CARS2: variants seen among roughly 807,000 people sequenced by gnomAD.
CARS2 encodes the protein cysteinyl-tRNA synthetase 2, mitochondrial.
CARS2 carries 52 observed loss-of-function variants against 68.8 expected under a neutral mutation model. The ratio of observed to expected loss-of-function variants is 0.76; its 90% confidence interval spans 0.61 to 0.95. CARS2 has a LOEUF of 0.95. Among genes scored for constraint, CARS2 ranks in the 40% least tolerant of loss-of-function variants. The probability of loss-of-function intolerance (pLI) is 0.00; values close to 1 mark genes in which losing one functional copy is unlikely to be tolerated. For missense variants in CARS2, 780 were observed against 754.2 expected (o/e 1.03, Z -0.40); for synonymous variants, 314 against 303.6 (o/e 1.03, Z -0.36).
chr13:110,663,271 G>T (rs1371064412), intron 9 of CARS2, among the ~76,000 whole-genome samples, 180 bp downstream of exon 9: 3 of 152,082 alleles, frequency 2.0e-5, no homozygotes, highest in African/African-American at 7.2e-5. Flanking sequence ...GCACAGCTGA[G>T]GGCGCGATTA....
At position 110,706,065 on chromosome 13, in the gene CARS2, A is replaced by G. The variant is rs1326381296; in HGVS notation, c.29T>C (p.Leu10Pro). The G allele has an allele frequency of 7.5e-7, 1 of 1,330,570 alleles. No homozygotes were observed. The highest frequency in any genetic ancestry group is 9.6e-7 in the Non-Finnish European group (1 of 1,040,034). 82.4% of individuals were successfully genotyped at this position (1,330,570 alleles called of 1,614,324 possible). MLRTTRGPG[L>P]GPPLLQAALG... Reference sequence around the variant, plus strand: ...CGCGGCCTGGAGCAGCGGGGGGCCCAGGCCTGGGCCGCGCGTAGTCCTCAA... The same window carrying G: ...CGCGGCCTGGAGCAGCGGGGGGCCCGGGCCTGGGCCGCGCGTAGTCCTCAA... The change falls in exon 1 of 15, where the codon CTG becomes CCG. Residue 10 changes from leucine (L) to proline (P), a missense_variant. By Grantham distance (98) the Leu-to-Pro change is moderately conservative. Coordinates refer to ENST00000257347, the MANE Select transcript of CARS2 (RefSeq NM_024537.4).
chr13:110,702,573 A>G (rs1235446829), intron 2 of CARS2, among the ~76,000 whole-genome samples: 1 of 152,230 alleles, frequency 6.6e-6, no homozygotes. Context: ...CAGGAACCTA[A>G]AGCAAATGAA....
chr13:110,669,231 G>A (rs986562186), intron 7 of CARS2, among the ~76,000 whole-genome samples: 1 of 152,168 alleles, frequency 6.6e-6, no homozygotes, highest in Non-Finnish European at 1.5e-5. Context: ...TAGGCAGGTC[G>A]TGGGGGACAA....
chr13:110,663,306 G>T, intron 9 of CARS2, 145 bp downstream of exon 9: 1 of 754,398 alleles, frequency 1.3e-6, no homozygotes, highest in Non-Finnish European at 2.1e-6. Flanking sequence ...TAAAGTGGGA[G>T]GGAGGTGAGG....
upstream of CARS2, among the ~76,000 whole-genome samples, chr13:110,708,094 A>G (rs991814209): frequency 6.6e-6 from 1 of 152,178 alleles, no homozygotes; most frequent in African/African-American, 2.4e-5. Context: ...CTTAAATTGT[A>G]CATTATTTTG....
At chr13:110,663,729 C>G in intron 8 of CARS2, 1 of 1,310,456 alleles carries the variant, frequency 7.6e-7, no homozygotes, top group South Asian at 2.3e-5. Context: ...CAGGGACACC[C>G]AGCCCCACAC....
At chr13:110,674,005 G>A (rs1443014484) in intron 7 of CARS2, among the ~76,000 whole-genome samples, 1 of 152,138 alleles carries the variant, frequency 6.6e-6, no homozygotes, top group Non-Finnish European at 1.5e-5. Context: ...ACTTACAAGG[G>A]ATGTGAAGGA....
intron 3 of CARS2, among the ~76,000 whole-genome samples, chr13:110,690,169 A>T (rs767570859): frequency 1.3e-5 from 2 of 152,228 alleles, no homozygotes; most frequent in African/African-American, 2.4e-5. Context: ...TGGAGGTTGC[A>T]GTGAGCCAAC....
At position 110,668,338 on chromosome 13, in the gene CARS2, T is replaced by G. The variant is rs957348342; in HGVS notation, c.786-865A>C. ...GCAGGCGGATCACAAGGTCAGGAGA[T>G]CGAGACCATCCTGGCTAACATGGTG... is the stretch of plus-strand genomic sequence containing the variant. On this transcript the variant is annotated intron_variant, in intron 7 of 14. Transcript: ENST00000257347. This position sits in a 1 kb window ranked among gnomAD's most constrained non-coding sequence, Gnocchi z 4.1. Among the ~76,000 whole-genome samples, 1 of 151,500 alleles carries G rather than the reference T, an allele frequency of 6.6e-6. No individual in the cohort carries two copies. The highest frequency in any genetic ancestry group is 1.5e-5 in the Non-Finnish European group (1 of 67,920).
Position 110,645,948 on chromosome 13 carries a change from C to T in CARS2, c.1317+19G>A, listed in dbSNP as rs1401062267. On this transcript the variant is annotated intron_variant, in intron 12 of 14. Transcript: ENST00000257347. ...GCCCCTGGCAGCAGGACCGCAAGGCCACCTGTTCGTTGAGCTACCTTCAGG... is the reference window on the plus strand; with the variant it reads ...GCCCCTGGCAGCAGGACCGCAAGGCTACCTGTTCGTTGAGCTACCTTCAGG... The T allele has an allele frequency of 6.2e-7, 1 of 1,609,196 alleles. No homozygotes were observed.
chr13:110,646,994 C>T, intron 11 of CARS2, 107 bp downstream of exon 11: 1 of 1,343,340 alleles, frequency 7.4e-7, no homozygotes, highest in East Asian at 2.5e-5. Context: ...AACCTCCTGT[C>T]CAGCGCCCTG....
intron 3 of CARS2, among the ~76,000 whole-genome samples, chr13:110,699,212 A>G (rs940855756): frequency 6.6e-6 from 1 of 152,120 alleles, no homozygotes; most frequent in African/African-American, 2.4e-5. Flanking sequence ...AAATTACCCA[A>G]CCTGTGGTGT....
rs1173595707 is a variant in CARS2, at chr13:110,670,508, G to A, written c.786-3035C>T. Among the ~76,000 whole-genome samples the A allele has an allele frequency of 6.6e-6, 1 of 152,186 alleles. No individual in the cohort carries two copies. The highest frequency in any genetic ancestry group is 1.5e-5 in the Non-Finnish European group (1 of 68,038). On this transcript the variant is annotated intron_variant, in intron 7 of 14. Transcript: ENST00000257347. The surrounding 1 kb of genome is among the most constrained non-coding windows in gnomAD (Gnocchi z 4.1). ...AGCTGAGGGTCCTGACTGTTAGAAG[G>A]AAAACTAACAAACAGAAAGGACATC... is the stretch of plus-strand genomic sequence containing the variant.
intron 5 of CARS2, among the ~76,000 whole-genome samples, chr13:110,685,362 A>G (rs2139847981): frequency 6.6e-6 from 1 of 152,326 alleles, no homozygotes; most frequent in African/African-American, 2.4e-5. Flanking sequence ...CCACATTAGA[A>G]CAAGTAAAAA....
chr13:110,705,451 G>T lies in CARS2; in HGVS notation c.275+70C>A. 3 of 1,122,402 alleles carry T rather than the reference G, an allele frequency of 2.7e-6. No homozygotes were observed. The highest frequency in any genetic ancestry group is 3.0e-5 in the South Asian group (2 of 66,682). 69.5% of individuals were successfully genotyped at this position (1,122,402 alleles called of 1,614,324 possible). A position where few individuals can be genotyped will look rare whatever the true frequency, so the allele number is the denominator to read the frequency against. On this transcript the variant is annotated intron_variant, in intron 2 of 14. Transcript: ENST00000257347. The surrounding 1 kb of genome is among the most constrained non-coding windows in gnomAD (Gnocchi z 4.0). ...CTAAGTTGCCACTTAAGAGATAAAA[G>T]AAATCAGCAAAAGGCTTTCAAAAAT...
intron 11 of CARS2, chr13:110,646,298 C>G (rs1170615020): frequency 1.9e-6 from 1 of 537,182 alleles, no homozygotes; most frequent in Admixed American, 3.7e-5. Context: ...GAAAAAGTCC[C>G]AGAGCAGAGG....
chr13:110,642,202 C>G, intron 14 of CARS2, 113 bp downstream of exon 14: 1 of 811,558 alleles, frequency 1.2e-6, no homozygotes, highest in Non-Finnish European at 2.0e-6. Flanking sequence ...AGTGAAACTC[C>G]GTCTCAAAAA....
chr13:110,699,012 C>CA (rs1363814539), intron 3 of CARS2, among the ~76,000 whole-genome samples: 4 of 79,382 alleles, frequency 5.0e-5, no homozygotes, highest in Non-Finnish European at 7.8e-5. Flanking sequence ...ACCCTGTCTC[C>CA]AAAAAAAAAG....
At chr13:110,644,301 T>C in intron 13 of CARS2, 84 bp downstream of exon 13, 1 of 1,414,224 alleles carries the variant, frequency 7.1e-7, no homozygotes, top group Non-Finnish European at 9.9e-7. Context: ...ATCATAATGC[T>C]CTATTCCAAG....
Sources: allele counts gnomAD v4.1 joint callset (sites outside exome capture counted in the v4.1 genomes callset), GRCh38; gene constraint gnomAD v4.1.1; non-coding constraint Gnocchi (gnomAD v3.1); transcripts MANE v1.5; gene names NCBI Gene and HGNC (gene_info 2026-07-23, HGNC 2026-07-21).